Variants in MAP3K7 observed in about 807,000 individuals in gnomAD.
MAP3K7 encodes TGF-beta activated kinase 1.
Under a neutral mutation model 84.8 loss-of-function variants are expected in MAP3K7, and 21 were observed. That is an observed-to-expected ratio of 0.25 (90% CI 0.18 to 0.36). MAP3K7 has a LOEUF of 0.36. Among genes scored for constraint, MAP3K7 ranks in the 10% least tolerant of loss-of-function variants. MAP3K7 has a pLI of 1.00. For missense variants in MAP3K7, 503 were observed against 747.7 expected, an observed-to-expected ratio of 0.67 and a Z score of 3.82; for synonymous variants, 241 against 247.7, an observed-to-expected ratio of 0.97 and a Z score of 0.25.
intron 5 of MAP3K7, among the ~76,000 whole-genome samples, chr6:90,558,123 C>A (rs1237183496): frequency 6.6e-6 from 1 of 151,914 alleles, no homozygotes; most frequent in East Asian, 1.9e-4. Context: ...GAGATTGAAA[C>A]CATCCTGGCT....
intron 1 of MAP3K7, among the ~76,000 whole-genome samples, chr6:90,584,720 T>A (rs1468075541): frequency 2.6e-5 from 4 of 152,180 alleles, no homozygotes; most frequent in Non-Finnish European, 4.4e-5. Flanking sequence ...AGTAAGTTTG[T>A]GAAAGCATTT....
At position 90,522,408 on chromosome 6, in the gene MAP3K7, G is replaced by A. The variant is rs891840891; in HGVS notation, c.1462+1270C>T. Among the ~76,000 whole-genome samples, 6 of 152,056 alleles carry A rather than the reference G, an allele frequency of 3.9e-5. No homozygotes were observed. In the East Asian group the frequency reaches 9.6e-4, roughly 24 times the overall value. On this transcript the variant is annotated intron_variant, in intron 14 of 16. Coordinates refer to ENST00000369329, the MANE Select transcript of MAP3K7 (RefSeq NM_145331.3). ...CTCTGCTGAGTTGAGTACCAGACCCGGGCAAATGCTGTAATGTCAGAGAAC... is the reference window on the plus strand; with the variant it reads ...CTCTGCTGAGTTGAGTACCAGACCCAGGCAAATGCTGTAATGTCAGAGAAC...
intron 8 of MAP3K7, chr6:90,551,364 G>C (rs1218743660): frequency 6.6e-6 from 1 of 152,090 alleles, no homozygotes. Context: ...CACTTTCATA[G>C]ATATTTGAAC....
At position 90,518,360 on chromosome 6, in the gene MAP3K7, T is replaced by C; in HGVS notation, c.1640+87A>G. 4.0e-6 allele frequency: 3 copies of C among 744,214 alleles called. No homozygotes were observed. The South Asian group carries it at 5.6e-5, about 14-fold the overall frequency. The allele number at this position is 744,214 out of a possible 1,614,324, so 46.1% of individuals were successfully genotyped here. A position where few individuals can be genotyped will look rare whatever the true frequency, so the allele number is the denominator to read the frequency against. On this transcript the variant is annotated intron_variant, in intron 16 of 16. Transcript: ENST00000369329. ...TGAAAGTATACTTAATGACTAATTC[T>C]AAAAACTACGTTTTCATTGCACCTT...
At chr6:90,540,693 C>G (rs991511356) in intron 12 of MAP3K7, among the ~76,000 whole-genome samples, 18 of 151,842 alleles carry the variant, frequency 1.2e-4, no homozygotes, top group African/African-American at 3.6e-4. Context: ...TATAACTACT[C>G]ACACAAAGGC....
rs1015231811 is a variant in MAP3K7, at chr6:90,514,045, T to C, written c.*2456A>G. On this transcript the variant is annotated 3_prime_UTR_variant, in exon 17 of 17. Coordinates refer to ENST00000369329, the MANE Select transcript of MAP3K7 (RefSeq NM_145331.3). ...TAGATAAAAGCTTGCTTTCTTTTCC[T>C]GGAGTCAAGAGTAAAATGTAATTAA... The C allele has an allele frequency of 8.9e-6, 1 of 111,738 alleles. No individual in the cohort carries two copies. The allele number at this position is 111,738 out of a possible 1,614,324, so 6.9% of individuals were successfully genotyped here.
At chr6:90,520,947 A>T (rs950299919) in intron 14 of MAP3K7, among the ~76,000 whole-genome samples, 10 of 152,078 alleles carry the variant, frequency 6.6e-5, no homozygotes, top group African/African-American at 2.4e-4. Context: ...TTCTTTCTTA[A>T]ATCACTGATA....
chr6:90,555,194 G>A (rs1044079627), intron 6 of MAP3K7, among the ~76,000 whole-genome samples: 1 of 151,952 alleles, frequency 6.6e-6, no homozygotes, highest in Non-Finnish European at 1.5e-5. Flanking sequence ...ATAAAAGAAG[G>A]TAAACATATA....
At chr6:90,564,305 T>C (rs1011869974) in intron 3 of MAP3K7, among the ~76,000 whole-genome samples, 1 of 152,072 alleles carries the variant, frequency 6.6e-6, no homozygotes, top group African/African-American at 2.4e-5. Flanking sequence ...CCAGTAAGTG[T>C]GCTGTATTCA....
rs751903983 is a variant in MAP3K7, at chr6:90,519,307, G to A, written c.1475C>T (p.Ser492Leu). 1.9e-6 allele frequency: 3 copies of A among 1,576,502 alleles called. No individual in the cohort carries two copies. In the East Asian group the frequency reaches 7.0e-5, roughly 37 times the overall value. The stretch of plus-strand genomic sequence containing the variant: ...ATAAGCCATTGGGATGGAGTTATCT[G>A]ATCCATTGGTATCTGGAATTCAAGC... ...TPDDSTDTNGSDNSIPMAYLT... is the reference protein window; with the variant it reads ...TPDDSTDTNGLDNSIPMAYLT... The change falls in exon 15 of 17, where the codon TCA becomes TTA. Residue 492 changes from serine (S) to leucine (L), a missense_variant. Ser to Leu is a moderately radical substitution (Grantham distance 145). Around this residue, in one of 5 missense-constraint regions of MAP3K7, gnomAD observed 286 missense variants for 313.6 expected, o/e 0.91. Transcript: ENST00000369329.
At chr6:90,531,704 G>A (rs768265107) in intron 13 of MAP3K7, among the ~76,000 whole-genome samples, 1 of 152,142 alleles carries the variant, frequency 6.6e-6, no homozygotes, top group Non-Finnish European at 1.5e-5. Flanking sequence ...TGTAATCCTA[G>A]CACTTTGGGA....
chr6:90,567,720 C>T (rs1198456424), intron 3 of MAP3K7, among the ~76,000 whole-genome samples: 5 of 152,132 alleles, frequency 3.3e-5, no homozygotes, highest in African/African-American at 9.7e-5. Flanking sequence ...TGGGTATATA[C>T]CCAAAGGATT....
rs1776793609 is a variant in MAP3K7, at chr6:90,568,554, T to C, written c.297+4A>G. The C allele has an allele frequency of 6.2e-7, 1 of 1,604,212 alleles. No individual in the cohort carries two copies. Among genetic ancestry groups the C allele is most frequent in the African/African-American group, 1.3e-5 (1 of 74,462 alleles). On this transcript the variant is annotated splice_donor_region_variant and intron_variant, in intron 3 of 16. Coordinates refer to ENST00000369329, the MANE Select transcript of MAP3K7 (RefSeq NM_145331.3). ...AGGTGACCATGAAAAAGTAACAAAC[T>C]TACTGGATTCAAGCAGGCTCCATAA...
chr6:90,561,028 A>G (rs1451892009), intron 4 of MAP3K7, among the ~76,000 whole-genome samples: 1 of 152,224 alleles, frequency 6.6e-6, no homozygotes, highest in East Asian at 1.9e-4. Context: ...GGCAGTAAAT[A>G]TAAGTAAAAG....
chr6:90,522,196 G>T (rs1373893883), intron 14 of MAP3K7, among the ~76,000 whole-genome samples: 1 of 152,102 alleles, frequency 6.6e-6, no homozygotes, highest in Non-Finnish European at 1.5e-5. Flanking sequence ...GTATTTTGTG[G>T]TGTTTCTAGG....
At chr6:90,526,647 A>G (rs529590194) in intron 13 of MAP3K7, among the ~76,000 whole-genome samples, 2 of 152,042 alleles carry the variant, frequency 1.3e-5, no homozygotes, top group African/African-American at 2.4e-5. Flanking sequence ...TTAGTTAAAA[A>G]AAAGAATTTG....
intron 16 of MAP3K7, among the ~76,000 whole-genome samples, chr6:90,517,498 T>C (rs1397201876): frequency 6.6e-6 from 1 of 151,842 alleles, no homozygotes; most frequent in East Asian, 1.9e-4. Flanking sequence ...TTTTCCAGCA[T>C]AGAATACTTC....
Position 90,550,459 on chromosome 6 carries a change from T to C in MAP3K7, c.949+9A>G, listed in dbSNP as rs768120386. On this transcript the variant is annotated intron_variant, in intron 9 of 16. Transcript: ENST00000369329. Reference sequence around the variant, plus strand: ...ATCAAGTCAATACTCTTCCAATCTATCCATTTACCTGTACTGGTGGCAGAG... The same window carrying C: ...ATCAAGTCAATACTCTTCCAATCTACCCATTTACCTGTACTGGTGGCAGAG... 3.8e-6 allele frequency: 6 copies of C among 1,576,224 alleles called. No individual in the cohort carries two copies. The highest frequency in any genetic ancestry group is 5.2e-6 in the Non-Finnish European group (6 of 1,149,066).
At position 90,578,336 on chromosome 6, in the gene MAP3K7, G is replaced by A. The variant is rs551467137; in HGVS notation, c.121-6529C>T. Among the ~76,000 whole-genome samples the A allele has an allele frequency of 1.4e-4, 22 of 152,246 alleles. No homozygotes were observed. In the South Asian group the frequency reaches 3.1e-3, roughly 22 times the overall value. ...TGCCCATGCTGGAGTGCAGTGGCGC[G>A]ATCTCAGCTCACTGCAGCCTCTGCC... On this transcript the variant is annotated intron_variant, in intron 1 of 16. Transcript: ENST00000369329.
Sources: allele counts gnomAD v4.1 joint callset (sites outside exome capture counted in the v4.1 genomes callset), GRCh38; gene constraint gnomAD v4.1.1; regional missense constraint gnomAD v4.1.1; transcripts MANE v1.5; gene names NCBI Gene and HGNC (gene_info 2026-07-23, HGNC 2026-07-21).